Variants in IMMP2L observed in about 807,000 individuals in gnomAD.
IMMP2L encodes the protein inner mitochondrial membrane peptidase subunit 2, also known as mitochondrial inner membrane protease subunit 2.
IMMP2L carries 18 observed loss-of-function variants against 19.3 expected under a neutral mutation model. The ratio of observed to expected loss-of-function variants is 0.93; its 90% CI spans 0.64 to 1.38. IMMP2L has a LOEUF of 1.38. IMMP2L is among the 40% of genes most tolerant of loss of function. The pLI, the probability that IMMP2L is intolerant of heterozygous loss-of-function variation, is 0.00. For missense variants in IMMP2L, 233 were observed against 218.2 expected, an observed-to-expected ratio of 1.07 and a Z score of -0.43; for synonymous variants, 76 against 73.0, an observed-to-expected ratio of 1.04 and a Z score of -0.21.
At chr7:111,349,872 T>A (rs555701073) in intron 3 of IMMP2L, among the ~76,000 whole-genome samples, 1 of 152,180 alleles carries the variant, frequency 6.6e-6, no homozygotes, top group East Asian at 1.9e-4. Flanking sequence ...ATGTCTCTTC[T>A]CTGATGTAGA....
intron 3 of IMMP2L, among the ~76,000 whole-genome samples, chr7:111,451,493 A>G (rs1229190001): frequency 7.0e-6 from 1 of 143,484 alleles, no homozygotes; most frequent in East Asian, 2.1e-4. Context: ...ATTCTCACTC[A>G]TAGGTGGGAA....
chr7:111,162,039 A>G (rs1805322715), intron 3 of IMMP2L, among the ~76,000 whole-genome samples: 1 of 152,156 alleles, frequency 6.6e-6, no homozygotes, highest in African/African-American at 2.4e-5. Context: ...GGCTAATGTT[A>G]GTCCAAATGA....
At position 110,825,816 on chromosome 7, in the gene IMMP2L, C is replaced by A. The variant is rs541048759; in HGVS notation, c.408+60777G>T. On this transcript the variant is annotated intron_variant, in intron 5 of 5. Coordinates refer to ENST00000405709, the MANE Select transcript of IMMP2L (RefSeq NM_032549.4). The stretch of plus-strand genomic sequence containing the variant: ...TCTAAAACACCAAAAGCAATGGCAA[C>A]AAAAGCCAAAATTGACGAATGGGAT... Among the ~76,000 whole-genome samples, 421 of 152,230 alleles carry A rather than the reference C, an allele frequency of 2.8e-3. 4 individuals are homozygous for A. The highest frequency in any genetic ancestry group is 9.5e-3 in the African/African-American group (396 of 41,540).
chr7:110,946,718 CTTTTTTT>C (rs754971058), intron 4 of IMMP2L, among the ~76,000 whole-genome samples: 2 of 114,166 alleles, frequency 1.8e-5, no homozygotes, highest in South Asian at 5.4e-4. Flanking sequence ...CATTTAATAC[CTTTTTTT>C]TTTTTTTTTT....
chr7:111,090,774 C>G (rs1175961675), intron 3 of IMMP2L, among the ~76,000 whole-genome samples: 2 of 152,078 alleles, frequency 1.3e-5, no homozygotes, highest in African/African-American at 4.8e-5. Context: ...GAGTCTCTAC[C>G]AGGTGTTTTT....
At position 110,665,935 on chromosome 7, in the gene IMMP2L, G is replaced by GA. The variant is rs902310499; in HGVS notation, c.409-2215dup. 1.2e-4 allele frequency among the ~76,000 whole-genome samples: 18 copies of GA among 152,130 alleles called. No homozygotes were observed. In the Middle Eastern group the frequency reaches 0.01, roughly 86 times the overall value. ...TTACATTAGGGATTACAAAAATAAT[G>GA]ATTTTCCAAATCTATTCCTTCTTTT... On this transcript the variant is annotated intron_variant, in intron 5 of 5. Transcript: ENST00000405709.
At chr7:111,146,348 T>C (rs1298176800) in intron 3 of IMMP2L, among the ~76,000 whole-genome samples, 1 of 152,090 alleles carries the variant, frequency 6.6e-6, no homozygotes, top group East Asian at 1.9e-4. Context: ...TCTTTTAATA[T>C]TAAATTCCCT....
intron 3 of IMMP2L, among the ~76,000 whole-genome samples, chr7:111,174,532 C>T (rs534788533): frequency 4.0e-5 from 6 of 151,734 alleles, no homozygotes; most frequent in African/African-American, 1.2e-4. Flanking sequence ...AGAGTGGTTA[C>T]GGGAAATATA....
chr7:111,063,585 T>G (rs1289961853), intron 3 of IMMP2L, among the ~76,000 whole-genome samples: 1 of 152,186 alleles, frequency 6.6e-6, no homozygotes, highest in Non-Finnish European at 1.5e-5. Context: ...TTTTCCAAAC[T>G]TTTATGCTCT....
intron 3 of IMMP2L, among the ~76,000 whole-genome samples, chr7:111,185,641 A>T (rs1455408433): frequency 6.6e-6 from 1 of 152,230 alleles, no homozygotes; most frequent in African/African-American, 2.4e-5. Context: ...TTAGAACAGT[A>T]ACAGAAAACT....
At chr7:110,965,884 T>C (rs2129555888) in intron 3 of IMMP2L, among the ~76,000 whole-genome samples, 1 of 152,174 alleles carries the variant, frequency 6.6e-6, no homozygotes, top group East Asian at 1.9e-4. Flanking sequence ...TGCCTTTCTA[T>C]AACACAATAT....
chr7:111,400,492 A>T (rs1429188402), intron 3 of IMMP2L, among the ~76,000 whole-genome samples: 2 of 152,000 alleles, frequency 1.3e-5, no homozygotes, highest in South Asian at 4.2e-4. Flanking sequence ...CCCTATCCCC[A>T]CCAGTCTGAC....
chr7:111,268,537 G>A lies in IMMP2L; in HGVS notation c.239+218701C>T, dbSNP rs144094072. 7.9e-3 allele frequency among the ~76,000 whole-genome samples: 1,122 copies of A among 142,116 alleles called. 23 individuals carry two copies. Among genetic ancestry groups the A allele is most frequent in the African/African-American group, 0.027 (1,029 of 37,900 alleles). The allele number at this position is 142,116 out of a possible 152,430, so 93.2% of individuals were successfully genotyped here. On this transcript the variant is annotated intron_variant, in intron 3 of 5. Transcript: ENST00000405709. ...GCCAGAAGCGAAAACTACATTCCCA[G>A]GGTAGAGATATGAGTTAAACTTCAC...
intron 5 of IMMP2L, among the ~76,000 whole-genome samples, chr7:110,747,087 GA>G: frequency 6.6e-6 from 1 of 152,126 alleles, no homozygotes; most frequent in East Asian, 1.9e-4. Flanking sequence ...AATTCCCACA[GA>G]AATATAAACT....
intron 5 of IMMP2L, among the ~76,000 whole-genome samples, chr7:110,699,319 G>A (rs1311254324): frequency 1.3e-5 from 2 of 152,134 alleles, no homozygotes; most frequent in African/African-American, 4.8e-5. Flanking sequence ...AGTCATATTA[G>A]GACAAAGAGC....
intron 3 of IMMP2L, among the ~76,000 whole-genome samples, chr7:111,010,522 C>G (rs940042941): frequency 6.6e-6 from 1 of 151,388 alleles, no homozygotes; most frequent in Non-Finnish European, 1.5e-5. Context: ...TCCATTAAAA[C>G]TATGGAGATT....
chr7:111,382,354 GAAAAAAAA>G (rs1831279975), intron 3 of IMMP2L, among the ~76,000 whole-genome samples: 1 of 150,798 alleles, frequency 6.6e-6, no homozygotes, highest in Non-Finnish European at 1.5e-5. Context: ...CACAATGCCA[GAAAAAAAA>G]TCAAAAAGTA....
chr7:110,897,656 C>A (rs11979161), intron 4 of IMMP2L, among the ~76,000 whole-genome samples: 4,369 of 152,086 alleles, frequency 0.029, 216 homozygotes, highest in African/African-American at 0.1. Context: ...TAACACTGTT[C>A]AGAGTGGCAA....
chr7:110,912,686 T>A (rs1182875353), intron 4 of IMMP2L, among the ~76,000 whole-genome samples: 1 of 152,024 alleles, frequency 6.6e-6, no homozygotes, highest in Admixed American at 6.6e-5. Context: ...TTATTTACAA[T>A]GCCCATGTAA....
Sources: gnomAD v4.1 joint callset for allele counts (sites outside exome capture counted in the v4.1 genomes callset) on GRCh38, gnomAD v4.1.1 for gene constraint, MANE v1.5 for transcripts, NCBI Gene and HGNC (gene_info 2026-07-23, HGNC 2026-07-21) for gene names.